The following CADM2 variants were observed in gnomAD, a reference collection of about 807,000 sequenced individuals.
CADM2 encodes the protein cell adhesion molecule 2, also known as immunoglobulin superfamily member 4D.
In CADM2, 12 loss-of-function variants were observed where a neutral mutation model predicts 49.8. The observed-to-expected ratio is 0.24, with a 90% CI of 0.15 to 0.39. The LOEUF (loss-of-function observed/expected upper bound fraction) is 0.39. Ranked by LOEUF, CADM2 falls within the 10% of genes least tolerant of loss-of-function variation. The pLI is 1.00. For synonymous variants in CADM2, 214 were observed against 175.4 expected, an observed-to-expected ratio of 1.22 and a Z score of -1.74; for missense variants, 378 against 492.3, an observed-to-expected ratio of 0.77 and a Z score of 2.20.
At chr3:85,592,423 G>C (rs1413944129) in intron 1 of CADM2, among the ~76,000 whole-genome samples, 1 of 151,876 alleles carries the variant, frequency 6.6e-6, no homozygotes, top group Non-Finnish European at 1.5e-5. Context: ...AATTCTACAG[G>C]AGCTGCTTTC....
At chr3:85,378,512 C>T (rs1048816640) in intron 1 of CADM2, among the ~76,000 whole-genome samples, 6 of 151,986 alleles carry the variant, frequency 3.9e-5, no homozygotes, top group Non-Finnish European at 5.9e-5. Flanking sequence ...CAGTAAGCTG[C>T]ATGAGGACAA....
chr3:85,164,513 A>T (rs186638525), intron 1 of CADM2, among the ~76,000 whole-genome samples: 1 of 152,088 alleles, frequency 6.6e-6, no homozygotes, highest in Non-Finnish European at 1.5e-5. Flanking sequence ...CTAAACAGCA[A>T]TCTGTCACGG....
At chr3:85,167,339 A>G (rs2040497990) in intron 1 of CADM2, among the ~76,000 whole-genome samples, 1 of 152,084 alleles carries the variant, frequency 6.6e-6, no homozygotes, top group Non-Finnish European at 1.5e-5. Flanking sequence ...AACAAAGATG[A>G]TTATATTTGT....
intron 8 of CADM2, among the ~76,000 whole-genome samples, chr3:86,041,991 T>A (rs1049470714): frequency 6.6e-6 from 1 of 151,992 alleles, no homozygotes; most frequent in Non-Finnish European, 1.5e-5. Context: ...GGGTACATAA[T>A]GAAATGAAGG....
At chr3:86,049,903 G>A (rs1177404563) in intron 8 of CADM2, among the ~76,000 whole-genome samples, 1 of 152,076 alleles carries the variant, frequency 6.6e-6, no homozygotes, top group Non-Finnish European at 1.5e-5. Context: ...ATTTGGTGGG[G>A]ACACAGATCC....
At chr3:85,967,578 T>G (rs546517929) in intron 8 of CADM2, among the ~76,000 whole-genome samples, 1 of 151,590 alleles carries the variant, frequency 6.6e-6, no homozygotes, top group Admixed American at 6.6e-5. Context: ...GAGAGATATA[T>G]CTCTCATGTA....
At chr3:85,915,041 AT>A in intron 6 of CADM2, among the ~76,000 whole-genome samples, 2 of 152,188 alleles carry the variant, frequency 1.3e-5, no homozygotes, top group Middle Eastern at 6.8e-3. Flanking sequence ...GACTACCTTT[AT>A]TTGATTACTC....
At chr3:85,801,277 C>T (rs1261532687) in intron 2 of CADM2, among the ~76,000 whole-genome samples, 2 of 151,996 alleles carry the variant, frequency 1.3e-5, no homozygotes, top group South Asian at 2.1e-4. Flanking sequence ...AGAGCAAAAC[C>T]TTGATTACAT....
chr3:86,025,505 A>C (rs990629419), intron 8 of CADM2, among the ~76,000 whole-genome samples: 28 of 152,070 alleles, frequency 1.8e-4, no homozygotes, highest in African/African-American at 6.5e-4. Context: ...AAATCTTTAT[A>C]CAAATGATTA....
At chr3:85,565,540 A>T (rs186085524) in intron 1 of CADM2, among the ~76,000 whole-genome samples, 1 of 152,196 alleles carries the variant, frequency 6.6e-6, no homozygotes, top group Non-Finnish European at 1.5e-5. Context: ...ATTACATATT[A>T]TGTAGGCCAA....
chr3:85,021,231 A>T (rs1165413973), intron 1 of CADM2, among the ~76,000 whole-genome samples: 2 of 151,732 alleles, frequency 1.3e-5, no homozygotes, highest in African/African-American at 2.4e-5. Context: ...GTCGTTTTTT[A>T]AAAAAAAGAT....
intron 1 of CADM2, among the ~76,000 whole-genome samples, chr3:85,248,485 C>T (rs564295852): frequency 4.6e-5 from 7 of 152,154 alleles, no homozygotes; most frequent in Non-Finnish European, 7.4e-5. Flanking sequence ...CATGTTACCC[C>T]GGCTGGTCTT....
chr3:85,728,917 A>T (rs1036647886), intron 2 of CADM2, among the ~76,000 whole-genome samples: 1 of 152,238 alleles, frequency 6.6e-6, no homozygotes, highest in Non-Finnish European at 1.5e-5. Context: ...GTAATAGCAT[A>T]GGAAATTACA....
intron 2 of CADM2, among the ~76,000 whole-genome samples, chr3:85,798,822 C>T (rs2071797622): frequency 6.6e-6 from 1 of 152,068 alleles, no homozygotes; most frequent in African/African-American, 2.4e-5. Flanking sequence ...TCAATGGTAG[C>T]TTGATGGGGA....
At chr3:85,301,192 C>T (rs1325870287) in intron 1 of CADM2, among the ~76,000 whole-genome samples, 17 of 152,078 alleles carry the variant, frequency 1.1e-4, no homozygotes, top group Non-Finnish European at 2.5e-4. Context: ...AATGCATCCT[C>T]CTCAGACTGG....
chr3:85,163,356 C>T (rs912229643), intron 1 of CADM2, among the ~76,000 whole-genome samples: 10 of 151,682 alleles, frequency 6.6e-5, no homozygotes, highest in African/African-American at 1.5e-4. Flanking sequence ...ATGGGGCAGG[C>T]GATAAAAAGC....
At chr3:85,745,269 T>C (rs2068568459) in intron 2 of CADM2, among the ~76,000 whole-genome samples, 1 of 152,162 alleles carries the variant, frequency 6.6e-6, no homozygotes, top group South Asian at 2.1e-4. Flanking sequence ...TTGTTAAAAA[T>C]AAAAAATCTC....
chr3:85,321,571 T>A (rs192496278), intron 1 of CADM2, among the ~76,000 whole-genome samples: 195 of 152,258 alleles, frequency 1.3e-3, no homozygotes, highest in African/African-American at 4.2e-3. Context: ...TGAGTTATTA[T>A]GTTGTTCTCA....
chr3:85,694,256 G>A (rs538726698), intron 1 of CADM2, among the ~76,000 whole-genome samples: 1 of 152,326 alleles, frequency 6.6e-6, no homozygotes, highest in South Asian at 2.1e-4. Flanking sequence ...TGATGTGACT[G>A]TATTTGGAGA....
Sources: gnomAD v4.1 joint callset for allele counts (sites outside exome capture counted in the v4.1 genomes callset) on GRCh38, gnomAD v4.1.1 for gene constraint, MANE v1.5 for transcripts, NCBI Gene and HGNC (gene_info 2026-07-23, HGNC 2026-07-21) for gene names.